Variants in PSME4 observed in about 807,000 individuals in gnomAD.
PSME4 encodes proteasome activator subunit 4.
In PSME4, 89 loss-of-function variants were observed where a neutral mutation model predicts 253.9. The observed-to-expected ratio is 0.35, with a 90% CI of 0.30 to 0.42. PSME4 has a LOEUF of 0.42. Ranked by LOEUF, PSME4 falls within the 10% of genes least tolerant of loss-of-function variation. The probability of loss-of-function intolerance (pLI) is 1.00; values close to 1 mark genes in which losing one functional copy is unlikely to be tolerated. For synonymous variants in PSME4, 851 were observed against 759.2 expected (o/e 1.12, Z -1.99); for missense variants, 2,014 against 2,195.2 (o/e 0.92, Z 1.65).
intron 1 of PSME4, among the ~76,000 whole-genome samples, chr2:53,959,006 A>G (rs1670359290): frequency 6.6e-6 from 1 of 152,194 alleles, no homozygotes; most frequent in Non-Finnish European, 1.5e-5. Context: ...ATGGCGAGAA[A>G]TAAGGACTTT....
intron 1 of PSME4, among the ~76,000 whole-genome samples, chr2:53,954,483 A>G (rs1444344853): frequency 6.6e-6 from 1 of 152,236 alleles, no homozygotes; most frequent in African/African-American, 2.4e-5. Context: ...TCTATTATAC[A>G]TATTTAAAAA....
At chr2:53,897,699 T>C (rs1680205909) in intron 31 of PSME4, among the ~76,000 whole-genome samples, 171 bp downstream of exon 31, 1 of 152,224 alleles carries the variant, frequency 6.6e-6, no homozygotes, top group African/African-American at 2.4e-5. Flanking sequence ...CCTAAACATG[T>C]TCATTTGTTA....
At chr2:53,872,957 C>T (rs1222805912) in intron 43 of PSME4, among the ~76,000 whole-genome samples, 1 of 150,918 alleles carries the variant, frequency 6.6e-6, no homozygotes, top group Non-Finnish European at 1.5e-5. Context: ...TTGTTATAAC[C>T]AGGCCAGGCG....
At chr2:53,936,915 T>G (rs1428521799) in intron 5 of PSME4, 88 bp from the exon 6 acceptor site, 8 of 855,080 alleles carry the variant, frequency 9.4e-6, no homozygotes, top group Non-Finnish European at 1.5e-5. Flanking sequence ...TAATCTATTA[T>G]TCTTACTGAT....
At chr2:53,953,487 TA>T (rs67192995) in intron 1 of PSME4, among the ~76,000 whole-genome samples, 66,235 of 122,756 alleles carry the variant, frequency 0.54, 17,650 homozygotes, top group East Asian at 0.78. Flanking sequence ...CCATGTCTAT[TA>T]AAAAAAAAAA....
At chr2:53,943,881 A>G (rs552621723) in intron 3 of PSME4, among the ~76,000 whole-genome samples, 36 of 151,840 alleles carry the variant, frequency 2.4e-4, no homozygotes, top group African/African-American at 8.7e-4. Flanking sequence ...ATAAATAATA[A>G]GTATAGCATT....
intron 41 of PSME4, among the ~76,000 whole-genome samples, chr2:53,882,886 C>A (rs1481763962): frequency 7.0e-6 from 1 of 143,708 alleles, no homozygotes; most frequent in Non-Finnish European, 1.5e-5. Flanking sequence ...AGGAAAATAA[C>A]ATTTGAGGAA....
At chr2:53,903,996 T>C (rs1680531027) in intron 27 of PSME4, 29 bp downstream of exon 27, 1 of 1,560,036 alleles carries the variant, frequency 6.4e-7, no homozygotes, top group Non-Finnish European at 8.7e-7. Context: ...TGAAAATGTT[T>C]ACAGTAAAAT....
In PSME4 at chr2:53,866,733, A is replaced by C; in HGVS notation, c.5397+14T>G. On this transcript the variant is annotated intron_variant, in intron 45 of 46. Coordinates refer to ENST00000404125, the MANE Select transcript of PSME4 (RefSeq NM_014614.3). ...CTGATAATACACGTACAAACTAATA[A>C]GGAAGAACTGTACCTCAATAGGCTG... is the stretch of plus-strand genomic sequence containing the variant. 1 of 1,607,568 alleles carries C rather than the reference A, an allele frequency of 6.2e-7. No individual in the cohort carries two copies. Among genetic ancestry groups the C allele is most frequent in the African/African-American group, 1.3e-5 (1 of 74,658 alleles).
chr2:53,901,254 G>C, intron 28 of PSME4, 96 bp downstream of exon 28: 1 of 1,148,762 alleles, frequency 8.7e-7, no homozygotes, highest in Non-Finnish European at 1.3e-6. Context: ...CAAATGCCAA[G>C]AATATTATTA....
Position 53,920,303 on chromosome 2 carries a change from A to G in PSME4, c.2310T>C (p.His770=), listed in dbSNP as rs746527185. 1 of 1,613,814 alleles carries G rather than the reference A, an allele frequency of 6.2e-7. No homozygotes were observed. ...AAGACACTTCTTCTGAAGAAGGAAC[A>G]TGCCACTGGATTCCCAGATTCCACA... ...GDLWNLGIQW[H]VPSSEEVSFA... Residue 770 remains histidine, a synonymous_variant, in exon 19 of 47, where the codon CAT becomes CAC. Transcript: ENST00000404125.
At chr2:53,926,217 C>T (rs1410545136) in intron 12 of PSME4, among the ~76,000 whole-genome samples, 194 bp from the exon 13 acceptor site, 2 of 152,060 alleles carry the variant, frequency 1.3e-5, no homozygotes, top group African/African-American at 4.8e-5. Flanking sequence ...TTTCTAGGAA[C>T]CAAAGAAAGA....
At chr2:53,873,238 C>CAAAAAAAA (rs60203960) in intron 43 of PSME4, among the ~76,000 whole-genome samples, 4 of 123,142 alleles carry the variant, frequency 3.2e-5, no homozygotes, top group Admixed American at 8.3e-5. Flanking sequence ...GACTCCGTCT[C>CAAAAAAAA]AAAAAAAAAG....
intron 1 of PSME4, among the ~76,000 whole-genome samples, chr2:53,950,127 T>C (rs1669906628): frequency 6.6e-6 from 1 of 152,028 alleles, no homozygotes; most frequent in African/African-American, 2.4e-5. Context: ...ATACAAAATA[T>C]TAGCCAGGCA....
chr2:53,880,229 G>A (rs914738406), intron 41 of PSME4, among the ~76,000 whole-genome samples: 3 of 152,302 alleles, frequency 2.0e-5, no homozygotes, highest in East Asian at 1.9e-4. Context: ...GCCAAGGTAC[G>A]AGGAGCACTT....
chr2:53,886,391 T>C (rs1191217346), intron 40 of PSME4, among the ~76,000 whole-genome samples: 1 of 152,218 alleles, frequency 6.6e-6, no homozygotes, highest in East Asian at 1.9e-4. Flanking sequence ...AGCAGAGGGC[T>C]GGGTAATGAA....
intron 41 of PSME4, among the ~76,000 whole-genome samples, chr2:53,878,400 G>C (rs961452486): frequency 6.6e-6 from 1 of 152,110 alleles, no homozygotes; most frequent in African/African-American, 2.4e-5. Flanking sequence ...TGCACAAATT[G>C]TTTAAACAAT....
At chr2:53,960,980 G>T (rs376310809) in intron 1 of PSME4, among the ~76,000 whole-genome samples, 35 of 152,278 alleles carry the variant, frequency 2.3e-4, no homozygotes, top group African/African-American at 8.2e-4. Flanking sequence ...GGTGGCGCAT[G>T]CCTGTAATCC....
intron 33 of PSME4, among the ~76,000 whole-genome samples, chr2:53,895,327 A>C (rs772506601): frequency 1.3e-5 from 2 of 152,192 alleles, no homozygotes; most frequent in Admixed American, 6.5e-5. Context: ...ATTAATAGGT[A>C]GGAATATAAT....
Sources: gnomAD v4.1 joint callset for allele counts (sites outside exome capture counted in the v4.1 genomes callset) on GRCh38, gnomAD v4.1.1 for gene constraint, MANE v1.5 for transcripts, NCBI Gene and HGNC (gene_info 2026-07-23, HGNC 2026-07-21) for gene names.